Variants in DNM3 observed in about 807,000 individuals in gnomAD.
DNM3 encodes the protein dynamin 3, also known as dynamin-3.
Under a neutral mutation model 101.6 loss-of-function variants are expected in DNM3, and 47 were observed. The ratio of observed to expected loss-of-function variants is 0.46; its 90% CI spans 0.37 to 0.59. The LOEUF is 0.59. Ranked by LOEUF, DNM3 falls within the 20% of genes least tolerant of loss-of-function variation. DNM3 has a pLI of 0.00. For synonymous variants in DNM3, 385 were observed against 387.9 expected (o/e 0.99, Z 0.09); for missense variants, 849 against 1,085.7 (o/e 0.78, Z 3.06).
chr1:172,382,956 T>A (rs902180214), intron 18 of DNM3, among the ~76,000 whole-genome samples: 5 of 152,280 alleles, frequency 3.3e-5, no homozygotes, highest in Non-Finnish European at 7.4e-5. Context: ...ATTAGTAACA[T>A]GTGCCCTAGT....
At position 172,409,006 on chromosome 1, in the gene DNM3, T is replaced by C. The variant is rs986298505; in HGVS notation, c.*1165T>C. On this transcript the variant is annotated 3_prime_UTR_variant, in exon 21 of 21. Coordinates refer to ENST00000627582, the MANE Select transcript of DNM3 (RefSeq NM_015569.5). ...TCCAGGTCACTCCAGAAAAGGGTATTGAAACGTTGAAATCTAAAGCAAATT... is the reference window on the plus strand; with the variant it reads ...TCCAGGTCACTCCAGAAAAGGGTATCGAAACGTTGAAATCTAAAGCAAATT... 1.5e-5 allele frequency: 15 copies of C among 985,260 alleles called. No homozygotes were observed. Among genetic ancestry groups the C allele is most frequent in the Non-Finnish European group, 1.8e-5 (15 of 829,908 alleles). 61.0% of individuals were successfully genotyped at this position (985,260 alleles called of 1,614,324 possible).
At chr1:172,194,963 T>G (rs1215482877) in intron 14 of DNM3, among the ~76,000 whole-genome samples, 1 of 152,112 alleles carries the variant, frequency 6.6e-6, no homozygotes, top group Admixed American at 6.6e-5. Context: ...GTATTGATGG[T>G]CTCTACCATT....
intron 14 of DNM3, among the ~76,000 whole-genome samples, chr1:172,181,375 TAC>T (rs55756017): frequency 0.36 from 52,258 of 147,108 alleles, 10,610 homozygotes; most frequent in East Asian, 0.54. Context: ...CACTTGAGTT[TAC>T]ACACACACAC....
intron 13 of DNM3, among the ~76,000 whole-genome samples, chr1:172,106,432 GAGAA>G (rs1258538827): frequency 6.6e-6 from 1 of 151,902 alleles, no homozygotes; most frequent in Non-Finnish European, 1.5e-5. Flanking sequence ...GAGAGAAAGA[GAGAA>G]AGAAAGAAAG....
chr1:172,400,276 T>C (rs979444638), intron 20 of DNM3, among the ~76,000 whole-genome samples: 2 of 151,974 alleles, frequency 1.3e-5, no homozygotes, highest in African/African-American at 4.8e-5. Context: ...GTGCCTGAAG[T>C]GGGAGTGACG....
At chr1:172,372,650 A>G (rs887601812) in intron 17 of DNM3, among the ~76,000 whole-genome samples, 3 of 149,682 alleles carry the variant, frequency 2.0e-5, no homozygotes, top group Non-Finnish European at 4.5e-5. Flanking sequence ...TTGGCCCCCA[A>G]TGTAGTATGA....
At chr1:172,044,310 T>G in intron 8 of DNM3, 75 bp from the exon 9 acceptor site, 1 of 1,267,012 alleles carries the variant, frequency 7.9e-7, no homozygotes, top group Non-Finnish European at 1.1e-6. Context: ...GTCAAGTTAT[T>G]CTCATTCTGT....
chr1:171,983,580 AC>A (rs896742534), intron 2 of DNM3, among the ~76,000 whole-genome samples: 2 of 151,598 alleles, frequency 1.3e-5, no homozygotes, highest in African/African-American at 4.9e-5. Flanking sequence ...ACTTTGGAAA[AC>A]CCAGGGCCTG....
intron 14 of DNM3, among the ~76,000 whole-genome samples, chr1:172,247,267 A>G (rs1238387011): frequency 2.6e-5 from 4 of 152,158 alleles, no homozygotes; most frequent in African/African-American, 9.7e-5. Flanking sequence ...ACAAATAAAT[A>G]TCAGTTTCTC....
chr1:172,210,687 G>A (rs770791569), intron 14 of DNM3, among the ~76,000 whole-genome samples: 3 of 152,006 alleles, frequency 2.0e-5, no homozygotes, highest in Non-Finnish European at 4.4e-5. Context: ...TTTTTTATTT[G>A]TAAGATGAAT....
At chr1:172,388,099 T>C (rs1364563063) in intron 19 of DNM3, among the ~76,000 whole-genome samples, 2 of 151,910 alleles carry the variant, frequency 1.3e-5, no homozygotes, top group African/African-American at 4.8e-5. Flanking sequence ...CTGGGGGTGG[T>C]GGCGCACACC....
chr1:172,008,946 T>G (rs1202820967), intron 4 of DNM3, among the ~76,000 whole-genome samples: 1 of 138,278 alleles, frequency 7.2e-6, no homozygotes, highest in Non-Finnish European at 1.5e-5. Flanking sequence ...TTAATAAATA[T>G]ATTATATTAA....
chr1:172,162,043 C>T (rs1019046592), intron 14 of DNM3, among the ~76,000 whole-genome samples: 33 of 151,998 alleles, frequency 2.2e-4, no homozygotes, highest in African/African-American at 7.2e-4. Context: ...CTTTGTCTGA[C>T]ATTTGGTTAA....
chr1:171,888,624 C>A (rs1392696314), intron 1 of DNM3, among the ~76,000 whole-genome samples: 2 of 152,130 alleles, frequency 1.3e-5, no homozygotes, highest in Non-Finnish European at 2.9e-5. Flanking sequence ...GATAATACAA[C>A]AGTGCTGTGT....
intron 11 of DNM3, among the ~76,000 whole-genome samples, chr1:172,070,915 C>T (rs2052113736): frequency 6.6e-6 from 1 of 151,058 alleles, no homozygotes; most frequent in Admixed American, 6.6e-5. Flanking sequence ...TGGTGAAACC[C>T]TCTCTCTACA....
At chr1:172,417,363 G>T (rs2071466009), downstream of DNM3, among the ~76,000 whole-genome samples, 1 of 152,148 alleles carries the variant, frequency 6.6e-6, no homozygotes. Flanking sequence ...TTGCAATGTA[G>T]GGTTTACTGT....
chr1:171,880,455 G>A (rs951428484), intron 1 of DNM3, among the ~76,000 whole-genome samples: 4 of 152,086 alleles, frequency 2.6e-5, no homozygotes, highest in Non-Finnish European at 5.9e-5. Context: ...TTATGCTAGT[G>A]CATTTAATTG....
chr1:172,298,717 T>C (rs1235116063), intron 15 of DNM3, among the ~76,000 whole-genome samples: 1 of 152,090 alleles, frequency 6.6e-6, no homozygotes, highest in African/African-American at 2.4e-5. Flanking sequence ...GGGGATATAA[T>C]GTTGAACATA....
At chr1:172,323,975 C>T (rs1387591298) in intron 17 of DNM3, among the ~76,000 whole-genome samples, 3 of 152,098 alleles carry the variant, frequency 2.0e-5, no homozygotes, top group Non-Finnish European at 4.4e-5. Context: ...CCAGGCAACA[C>T]ACAGGAATGG....
Sources: gnomAD v4.1 joint callset for allele counts (sites outside exome capture counted in the v4.1 genomes callset) on GRCh38, gnomAD v4.1.1 for gene constraint, MANE v1.5 for transcripts, NCBI Gene and HGNC (gene_info 2026-07-23, HGNC 2026-07-21) for gene names.